Variants in FHIT observed in about 807,000 individuals in gnomAD.
The protein encoded by FHIT is bis(5'-adenosyl)-triphosphatase.
A neutral mutation model predicts 17.9 loss-of-function variants in FHIT; 19 were observed. That is an observed-to-expected ratio of 1.06 (90% CI 0.74 to 1.56). The LOEUF (loss-of-function observed/expected upper bound fraction) is 1.56, where lower values mean the gene tolerates loss of function less well. Among genes scored for constraint, FHIT ranks in the 40% most tolerant of loss-of-function variants. The pLI, the probability that FHIT is intolerant of heterozygous loss-of-function variation, is 0.00. For synonymous variants in FHIT, 81 were observed against 69.7 expected (o/e 1.16, Z -0.81); for missense variants, 248 against 189.2 (o/e 1.31, Z -1.82).
At chr3:60,400,799 T>A (rs983723424) in intron 5 of FHIT, among the ~76,000 whole-genome samples, 1 of 152,120 alleles carries the variant, frequency 6.6e-6, no homozygotes, top group African/African-American at 2.4e-5. Flanking sequence ...GAAATCTCAG[T>A]GCGAAATCTC....
chr3:60,882,445 G>A (rs2107133089), intron 3 of FHIT, among the ~76,000 whole-genome samples: 1 of 152,222 alleles, frequency 6.6e-6, no homozygotes, highest in Admixed American at 6.5e-5. Context: ...AATCCCTGAT[G>A]AACATCGATG....
chr3:59,950,772 T>C (rs7627676), intron 7 of FHIT, among the ~76,000 whole-genome samples: 18,767 of 152,140 alleles, frequency 0.12, 1,353 homozygotes, highest in African/African-American at 0.19. Flanking sequence ...TTCCTTTTAT[T>C]CTACACAACT....
At chr3:60,753,514 C>A (rs2042510938) in intron 4 of FHIT, among the ~76,000 whole-genome samples, 2 of 152,218 alleles carry the variant, frequency 1.3e-5, no homozygotes, top group East Asian at 3.8e-4. Flanking sequence ...GATCCACTCT[C>A]CAATTTCATT....
chr3:60,745,821 A>G (rs552979119), intron 4 of FHIT, among the ~76,000 whole-genome samples: 14 of 152,318 alleles, frequency 9.2e-5, no homozygotes, highest in East Asian at 3.9e-4. Flanking sequence ...AACATTTAGA[A>G]AGACCAAACT....
intron 5 of FHIT, among the ~76,000 whole-genome samples, chr3:60,126,086 G>C (rs1272285666): frequency 6.6e-6 from 1 of 152,058 alleles, no homozygotes; most frequent in African/African-American, 2.4e-5. Flanking sequence ...CCAAATGAGA[G>C]GAAAAACAAG....
intron 8 of FHIT, among the ~76,000 whole-genome samples, chr3:59,872,820 T>C (rs946285203): frequency 1.3e-5 from 2 of 152,184 alleles, no homozygotes. Context: ...CTGTCTTCCC[T>C]GGGCTCCAGA....
At chr3:60,803,528 G>T (rs992044647) in intron 4 of FHIT, among the ~76,000 whole-genome samples, 6 of 152,186 alleles carry the variant, frequency 3.9e-5, no homozygotes, top group Admixed American at 3.9e-4. Context: ...AGTATAAAAG[G>T]TGCAGTGTAT....
In FHIT at chr3:59,968,342, G is replaced by T. The variant is rs375232358; in HGVS notation, c.279+43029C>A. 3.9e-5 allele frequency among the ~76,000 whole-genome samples: 6 copies of T among 152,010 alleles called. No homozygotes were observed. The East Asian group carries it at 7.8e-4, about 20-fold the overall frequency. ...AAGTAAAGGCCTGGCCAGAAAAAGG[G>T]CAGAAACCTATATGAACTTTAAGGT... On this transcript the variant is annotated intron_variant, in intron 7 of 9. Coordinates refer to ENST00000492590, the MANE Select transcript of FHIT (RefSeq NM_002012.4).
At chr3:61,114,677 T>G (rs2036250394) in intron 2 of FHIT, among the ~76,000 whole-genome samples, 1 of 152,144 alleles carries the variant, frequency 6.6e-6, no homozygotes, top group African/African-American at 2.4e-5. Flanking sequence ...AATATGACCT[T>G]TGACCCTGTC....
chr3:60,123,961 A>C (rs1705374215), intron 5 of FHIT, among the ~76,000 whole-genome samples: 1 of 93,232 alleles, frequency 1.1e-5, no homozygotes, highest in African/African-American at 4.8e-5. Flanking sequence ...ACAGAAATGC[A>C]CTAAAAATAT....
intron 5 of FHIT, among the ~76,000 whole-genome samples, chr3:60,278,836 AAAT>A (rs1358096061): frequency 6.6e-6 from 1 of 152,202 alleles, no homozygotes; most frequent in Non-Finnish European, 1.5e-5. Context: ...ATTTTAAACT[AAAT>A]AAAAATGAAA....
At chr3:59,752,180 C>T (rs1454143303) in intron 9 of FHIT, 41 bp downstream of exon 9, 3 of 1,417,012 alleles carry the variant, frequency 2.1e-6, no homozygotes, top group African/African-American at 1.4e-5. Context: ...TTTCCTGAGG[C>T]CCACGGGAGG....
intron 5 of FHIT, among the ~76,000 whole-genome samples, chr3:60,229,805 C>A (rs534123000): frequency 6.6e-6 from 1 of 152,196 alleles, no homozygotes; most frequent in South Asian, 2.1e-4. Context: ...TAAAGCAAGT[C>A]CATATCTCTA....
At chr3:59,926,652 G>A (rs139457996) in intron 7 of FHIT, among the ~76,000 whole-genome samples, 99 of 152,216 alleles carry the variant, frequency 6.5e-4, no homozygotes, top group Non-Finnish European at 1.1e-3. Flanking sequence ...TATCACTAAC[G>A]GTGTGAAATG....
At chr3:60,924,705 G>A (rs1019474989) in intron 3 of FHIT, among the ~76,000 whole-genome samples, 4 of 152,140 alleles carry the variant, frequency 2.6e-5, no homozygotes, top group Non-Finnish European at 4.4e-5. Context: ...AAAGCTGGAC[G>A]GAGAATGACT....
intron 4 of FHIT, among the ~76,000 whole-genome samples, chr3:60,789,023 T>C (rs1382550049): frequency 6.6e-6 from 1 of 151,290 alleles, no homozygotes; most frequent in Non-Finnish European, 1.5e-5. Flanking sequence ...AGACATTCCC[T>C]AAGGTAAACT....
chr3:60,745,537 G>A (rs563838824), intron 4 of FHIT, among the ~76,000 whole-genome samples: 5 of 152,230 alleles, frequency 3.3e-5, no homozygotes, highest in South Asian at 4.1e-4. Context: ...TCAGATTTAC[G>A]CTTTGAAAAA....
chr3:60,180,720 A>T (rs1347016638), intron 5 of FHIT, among the ~76,000 whole-genome samples: 1 of 152,180 alleles, frequency 6.6e-6, no homozygotes, highest in Non-Finnish European at 1.5e-5. Context: ...GCTTTTTCAC[A>T]GATAAGCATT....
chr3:60,994,821 G>C (rs973709917), intron 3 of FHIT, among the ~76,000 whole-genome samples: 1 of 152,176 alleles, frequency 6.6e-6, no homozygotes, highest in Non-Finnish European at 1.5e-5. Context: ...TGTCACATAA[G>C]CAGCTCACAC....
Sources: gnomAD v4.1 joint callset for allele counts (sites outside exome capture counted in the v4.1 genomes callset) on GRCh38, gnomAD v4.1.1 for gene constraint, MANE v1.5 for transcripts, NCBI Gene and HGNC (gene_info 2026-07-23, HGNC 2026-07-21) for gene names.